The following VIT variants were observed in gnomAD, a reference collection of about 807,000 sequenced individuals.
VIT encodes the protein vitrin.
A neutral mutation model predicts 78.0 loss-of-function variants in VIT; 99 were observed. That is an observed-to-expected ratio of 1.27 (90% CI 1.08 to 1.50). The LOEUF is 1.50. VIT is among the 40% of genes most tolerant of loss of function. VIT has a pLI of 0.00. For synonymous variants in VIT, 374 were observed against 334.3 expected, an observed-to-expected ratio of 1.12 and a Z score of -1.29; for missense variants, 1,126 against 875.3, an observed-to-expected ratio of 1.29 and a Z score of -3.61.
intron 3 of VIT, among the ~76,000 whole-genome samples, chr2:36,732,839 A>C (rs181990652): frequency 6.6e-6 from 1 of 152,326 alleles, no homozygotes; most frequent in Non-Finnish European, 1.5e-5. Flanking sequence ...GGCTTCCTGG[A>C]GGAAATGACA....
At chr2:36,778,313 T>G (rs1295991990) in intron 9 of VIT, among the ~76,000 whole-genome samples, 1 of 152,138 alleles carries the variant, frequency 6.6e-6, no homozygotes, top group Non-Finnish European at 1.5e-5. Flanking sequence ...ACTGCCAGCC[T>G]TTACCCCTCC....
At chr2:36,715,540 A>T (rs1033793830) in intron 1 of VIT, among the ~76,000 whole-genome samples, 3 of 152,238 alleles carry the variant, frequency 2.0e-5, no homozygotes, top group Admixed American at 6.5e-5. Flanking sequence ...CGTCTAAAAA[A>T]AAAAATAAAA....
intron 4 of VIT, among the ~76,000 whole-genome samples, chr2:36,744,785 T>C (rs1313240594): frequency 6.6e-6 from 1 of 152,172 alleles, no homozygotes; most frequent in Non-Finnish European, 1.5e-5. Flanking sequence ...ACTCCACTGA[T>C]AGGTTCTTTT....
chr2:36,783,442 C>T lies in VIT; in HGVS notation c.910+40C>T, dbSNP rs758899359. On this transcript the variant is annotated intron_variant, in intron 11 of 15. Transcript: ENST00000379242. Reference sequence around the variant, plus strand: ...AACTAGAAACCCACGGTGTCTTTGACATCTGAACTGCTCTCTCCTCTCTTC... The same window carrying T: ...AACTAGAAACCCACGGTGTCTTTGATATCTGAACTGCTCTCTCCTCTCTTC... The T allele has an allele frequency of 3.8e-6, 6 of 1,597,416 alleles. No homozygotes were observed. The Admixed American group carries it at 1.0e-4, about 27-fold the overall frequency.
At chr2:36,759,773 G>A (rs949559766) in intron 6 of VIT, 11 of 661,114 alleles carry the variant, frequency 1.7e-5, no homozygotes, top group African/African-American at 5.9e-5. Context: ...AGGTGAACAC[G>A]GTTTAAGAAT....
At chr2:36,799,938 C>T (rs755435928) in intron 12 of VIT, among the ~76,000 whole-genome samples, 1 of 151,266 alleles carries the variant, frequency 6.6e-6, no homozygotes, top group Non-Finnish European at 1.5e-5. Flanking sequence ...GTCCCAGCTA[C>T]TTGGGAGACT....
At chr2:36,726,496 T>A (rs1415500089) in intron 2 of VIT, among the ~76,000 whole-genome samples, 2 of 152,234 alleles carry the variant, frequency 1.3e-5, no homozygotes, top group African/African-American at 4.8e-5. Flanking sequence ...ACATGATTTT[T>A]TTCAATAATA....
intron 1 of VIT, among the ~76,000 whole-genome samples, chr2:36,699,584 T>TTA (rs60414565): frequency 5.7e-4 from 48 of 83,554 alleles, no homozygotes; most frequent in East Asian, 2.7e-3. Flanking sequence ...TTAGAGGAGA[T>TTA]TATAGATATA....
intron 10 of VIT, 31 bp downstream of exon 10, chr2:36,781,802 C>T (rs772559362): frequency 2.2e-5 from 36 of 1,613,366 alleles, no homozygotes; most frequent in Non-Finnish European, 3.0e-5. Context: ...CTCAGCCACG[C>T]GTGGATCAAG....
At chr2:36,712,506 T>C (rs545035377) in intron 1 of VIT, among the ~76,000 whole-genome samples, 13 of 152,330 alleles carry the variant, frequency 8.5e-5, no homozygotes, top group African/African-American at 3.1e-4. Context: ...TTAGTTTTTA[T>C]TGAGATATAA....
In VIT at chr2:36,729,499, A is replaced by G; in HGVS notation, c.118+8A>G. 4.4e-6 allele frequency: 7 copies of G among 1,608,822 alleles called. No individual in the cohort carries two copies. The highest frequency in any genetic ancestry group is 5.9e-6 in the Non-Finnish European group (7 of 1,177,768). ...TTAAAAGGCCCAAGTTCAGTAAGTA[A>G]AATCACAATTCCTTGCTGGCATAAT... On this transcript the variant is annotated splice_region_variant and intron_variant, in intron 3 of 15. Transcript: ENST00000379242.
intron 15 of VIT, among the ~76,000 whole-genome samples, chr2:36,810,943 A>G (rs1416093766): frequency 6.6e-6 from 1 of 152,192 alleles, no homozygotes; most frequent in African/African-American, 2.4e-5. Flanking sequence ...TTCTGTGCCT[A>G]CATTTAATTT....
intron 8 of VIT, 138 bp downstream of exon 8, chr2:36,773,985 C>A: frequency 1.3e-6 from 1 of 746,836 alleles, no homozygotes; most frequent in East Asian, 3.3e-5. Flanking sequence ...AGATGCCACT[C>A]AAGGGCCCAA....
chr2:36,776,250 A>G (rs1168699843), intron 9 of VIT, among the ~76,000 whole-genome samples: 1 of 152,188 alleles, frequency 6.6e-6, no homozygotes, highest in Non-Finnish European at 1.5e-5. Flanking sequence ...CCCCGCTTTC[A>G]GAGATTCTGT....
Position 36,729,438 on chromosome 2 carries a change from C to T in VIT, c.65C>T (p.Thr22Ile), listed in dbSNP as rs1487940572. 21 of 1,604,712 alleles carry T rather than the reference C, an allele frequency of 1.3e-5. No homozygotes were observed. Among genetic ancestry groups the T allele is most frequent in the East Asian group, 2.2e-5 (1 of 44,648 alleles). Residue 22 changes from threonine (T) to isoleucine (I), a missense_variant, in exon 3 of 16, where the codon ACT becomes ATT. Transcript: ENST00000379242. ...TTTCTTCATGTAGTTTTGCTGGTGA[C>T]TGGAGTACATTCAAACAAAGAAACG... ...VIEMFLVLLVTGVHSNKETAK... is the reference protein window; with the variant it reads ...VIEMFLVLLVIGVHSNKETAK...
intron 2 of VIT, among the ~76,000 whole-genome samples, chr2:36,725,775 A>G (rs1666803787): frequency 6.6e-6 from 1 of 152,224 alleles, no homozygotes; most frequent in Non-Finnish European, 1.5e-5. Flanking sequence ...GTGTTCAGTT[A>G]AAAACAAACA....
chr2:36,700,239 C>G (rs538281387), intron 1 of VIT, among the ~76,000 whole-genome samples: 2 of 152,210 alleles, frequency 1.3e-5, no homozygotes, highest in South Asian at 4.1e-4. Context: ...ATAAGAGAGG[C>G]AACTTCTGTG....
chr2:36,716,303 T>G, intron 1 of VIT, 50 bp from the exon 2 acceptor site: 1 of 1,540,724 alleles, frequency 6.5e-7, no homozygotes, highest in South Asian at 1.1e-5. Flanking sequence ...TGCATCCAAA[T>G]CAGAACCCCC....
At chr2:36,724,279 G>A (rs1020906530) in intron 2 of VIT, among the ~76,000 whole-genome samples, 1 of 152,148 alleles carries the variant, frequency 6.6e-6, no homozygotes, top group Non-Finnish European at 1.5e-5. Context: ...AAGCATTGCT[G>A]CATGATTGCC....
Sources: gnomAD v4.1 joint callset for allele counts (sites outside exome capture counted in the v4.1 genomes callset) on GRCh38, gnomAD v4.1.1 for gene constraint, MANE v1.5 for transcripts, NCBI Gene and HGNC (gene_info 2026-07-23, HGNC 2026-07-21) for gene names.